The following TRRAP variants were observed in gnomAD, a reference collection of about 807,000 sequenced individuals.
TRRAP encodes transformation/transcription domain associated protein.
In TRRAP, 41 loss-of-function variants were observed where a neutral mutation model predicts 438.8. The ratio of observed to expected loss-of-function variants is 0.09; its 90% confidence interval spans 0.07 to 0.12. The LOEUF (loss-of-function observed/expected upper bound fraction) is 0.12, where lower values mean the gene tolerates loss of function less well. Among genes scored for constraint, TRRAP ranks in the 10% least tolerant of loss-of-function variants. The pLI is 1.00. For missense variants in TRRAP, 3,122 were observed against 5,055.1 expected (o/e 0.62, Z 11.60); for synonymous variants, 1,994 against 1,962.9 (o/e 1.02, Z -0.42).
chr7:98,989,074 C>A, intron 63 of TRRAP, 108 bp downstream of exon 63: 1 of 1,120,488 alleles, frequency 8.9e-7, no homozygotes, highest in Non-Finnish European at 1.3e-6. Flanking sequence ...GGCATGATTT[C>A]ATGCCTTAAC....
In TRRAP at chr7:98,978,264, G is replaced by T. The variant is rs746996313; in HGVS notation, c.8439G>T (p.Arg2813Ser). Reference sequence around the variant, plus strand: ...ATAAAGCCAAAAAAGAACATGAGAGGAGTAACGCCTCCCCTGCTATTTTCC... The same window carrying T: ...ATAAAGCCAAAAAAGAACATGAGAGTAGTAACGCCTCCCCTGCTATTTTCC... ...AMDKAKKEHE[R>S]SNASPAIFPE... The change falls in exon 57 of 73, where the codon AGG becomes AGT. Residue 2813 changes from arginine (R) to serine (S), a missense_variant. Physicochemically the swap from Arg to Ser is moderately radical, Grantham distance 110. This residue lies in a region of TRRAP where 992 missense variants were observed against 1,281.2 expected (regional missense o/e 0.77). Transcript: ENST00000456197. 1.2e-6 allele frequency: 2 copies of T among 1,614,032 alleles called. No individual in the cohort carries two copies. The highest frequency in any genetic ancestry group is 1.7e-5 in the Admixed American group (1 of 59,986).
Position 98,976,311 on chromosome 7 carries a change from T to C in TRRAP, c.7959+43T>C. On this transcript the variant is annotated intron_variant, in intron 54 of 72. Coordinates refer to ENST00000456197, the MANE Select transcript of TRRAP (RefSeq NM_001375524.1). The surrounding 1 kb of genome is among the most constrained non-coding windows in gnomAD (Gnocchi z 4.6). Reference sequence around the variant, plus strand: ...ATCCTGTTTTGGAAAATTGTAGTTTTAGCTTTTGGTAAGTATTCATAAAAG... The same window carrying C: ...ATCCTGTTTTGGAAAATTGTAGTTTCAGCTTTTGGTAAGTATTCATAAAAG... 6.2e-7 allele frequency: 1 copy of C among 1,609,048 alleles called. No homozygotes were observed. The highest frequency in any genetic ancestry group is 8.5e-7 in the Non-Finnish European group (1 of 1,177,586).
intron 43 of TRRAP, among the ~76,000 whole-genome samples, chr7:98,957,698 C>T (rs956382989): frequency 2.0e-5 from 3 of 152,274 alleles, no homozygotes; most frequent in East Asian, 1.9e-4. Flanking sequence ...TCTCATGGCC[C>T]GCTTCGTCTC....
rs754770910 is a variant in TRRAP at position 98,964,654 on chromosome 7, C to A, written c.6855C>A (p.Ala2285=). Residue 2285 remains alanine, a synonymous_variant, in exon 48 of 73, where the codon GCC becomes GCA. Coordinates refer to ENST00000456197, the MANE Select transcript of TRRAP (RefSeq NM_001375524.1). ...LFGTLMILKS[A]CSNNPSYIDR... is the part of the protein sequence containing the mutation. Reference sequence around the variant, plus strand: ...GGACCCTTATGATCCTCAAGTCTGCCTGCAGCAACAACCCCAGCTACATAG... The same window carrying A: ...GGACCCTTATGATCCTCAAGTCTGCATGCAGCAACAACCCCAGCTACATAG... The A allele has an allele frequency of 6.2e-6, 10 of 1,613,788 alleles. No homozygotes were observed. The highest frequency in any genetic ancestry group is 7.6e-6 in the Non-Finnish European group (9 of 1,179,936).
Position 98,964,791 on chromosome 7 carries a change from C to G in TRRAP, c.6976+16C>G, listed in dbSNP as rs1235504009. 1 of 1,606,640 alleles carries G rather than the reference C, an allele frequency of 6.2e-7. No homozygotes were observed. The highest frequency in any genetic ancestry group is 8.5e-7 in the Non-Finnish European group (1 of 1,176,164). ...GCCACCTCAGGTGATGTGCTGGCCA[C>G]CGGGGGCCTTTCCTCAGACTCTGTT... On this transcript the variant is annotated intron_variant, in intron 48 of 72. Coordinates refer to ENST00000456197, the MANE Select transcript of TRRAP (RefSeq NM_001375524.1).
chr7:98,961,535 T>C lies in TRRAP; in HGVS notation c.6703+61T>C, dbSNP rs61253068. 774 of 1,578,676 alleles carry C rather than the reference T, an allele frequency of 4.9e-4. 6 individuals are homozygous for C. In the African/African-American group the frequency reaches 9.6e-3, roughly 20 times the overall value. ...AGTGGACGGTGGGCGCGGAGCTTGC[T>C]ATGAGAGCGCTTGTCCTCCAGTTAT... On this transcript the variant is annotated intron_variant, in intron 46 of 72. Coordinates refer to ENST00000456197, the MANE Select transcript of TRRAP (RefSeq NM_001375524.1).
Position 98,937,283 on chromosome 7 carries a change from T to TGTGTGTGCATGC in TRRAP, c.4233+14_4233+15insATGCGTGTGTGC. 2 of 1,609,672 alleles carry TGTGTGTGCATGC rather than the reference T, an allele frequency of 1.2e-6. No homozygotes were observed. Among genetic ancestry groups the TGTGTGTGCATGC allele is most frequent in the Non-Finnish European group, 1.7e-6 (2 of 1,178,116 alleles). On this transcript the variant is annotated splice_region_variant and intron_variant, in intron 29 of 72. Coordinates refer to ENST00000456197, the MANE Select transcript of TRRAP (RefSeq NM_001375524.1). ...GAGAAGCCTGTATGAGAAAGGTGAGTGTGTGTGCGTGCGTGTATGCGCACG... is the reference window on the plus strand; with the variant it reads ...GAGAAGCCTGTATGAGAAAGGTGAGTGTGTGTGCATGCGTGTGTGCGTGCGTGTATGCGCACG...
intron 63 of TRRAP, 28 bp from the exon 64 acceptor site, chr7:98,990,427 T>C: frequency 6.2e-7 from 1 of 1,604,988 alleles, no homozygotes; most frequent in Non-Finnish European, 8.5e-7. Context: ...ATTGTCATTC[T>C]ACTCTAGAAT....
At chr7:98,916,553 G>C (rs1789527999) in intron 19 of TRRAP, among the ~76,000 whole-genome samples, 1 of 152,156 alleles carries the variant, frequency 6.6e-6, no homozygotes, top group South Asian at 2.1e-4. Context: ...GGCTACCCAG[G>C]AGGCAGCAGG....
At chr7:98,893,752 A>C (rs930568562) in intron 5 of TRRAP, 46 bp from the exon 6 acceptor site, 2 of 1,556,942 alleles carry the variant, frequency 1.3e-6, no homozygotes, top group African/African-American at 1.4e-5. Context: ...TTAGCCTTTA[A>C]AGTGAGTCTT....
In TRRAP at chr7:98,892,165, G is replaced by T. The variant is rs1030739061; in HGVS notation, c.262-259G>T. Among the ~76,000 whole-genome samples, 203 of 152,204 alleles carry T rather than the reference G, an allele frequency of 1.3e-3. 2 individuals are homozygous for T. The highest frequency in any genetic ancestry group is 2.8e-4 in the Non-Finnish European group (19 of 68,036). On this transcript the variant is annotated intron_variant, in intron 4 of 72. Transcript: ENST00000456197. ...TGTCCGTTGGACTTACTGATAAGCC[G>T]TGGAAGGGGAGAAATTGGCTTAGTC...
At chr7:99,004,538 A>G (rs2116858400) in intron 68 of TRRAP, 123 bp downstream of exon 68, 2 of 839,052 alleles carry the variant, frequency 2.4e-6, no homozygotes, top group South Asian at 1.7e-5. Context: ...ATGGGAGAAC[A>G]TAAGATGATT....
chr7:98,926,335 T>C (rs1382725656), intron 22 of TRRAP, among the ~76,000 whole-genome samples: 2 of 152,020 alleles, frequency 1.3e-5, no homozygotes, highest in South Asian at 2.1e-4. Flanking sequence ...AGACAAACTA[T>C]AGTGAAACAA....
chr7:98,996,524 G>GT (rs1793668638), intron 67 of TRRAP, among the ~76,000 whole-genome samples: 1 of 152,230 alleles, frequency 6.6e-6, no homozygotes. Flanking sequence ...GTCTGGTACA[G>GT]TTTCCCAGAG....
Position 98,970,123 on chromosome 7 carries a change from C to T in TRRAP, c.7524C>T (p.Ala2508=), listed in dbSNP as rs201505951. The change falls in exon 52 of 73, where the codon GCC becomes GCT. Residue 2508 remains alanine (A), a synonymous_variant. Transcript: ENST00000456197. Reference sequence around the variant, plus strand: ...CGCACCCCTTGCAGCTGCTTCTGGCCGTGTGTGAGAAGAGCACCCCCATTG... The same window carrying T: ...CGCACCCCTTGCAGCTGCTTCTGGCTGTGTGTGAGAAGAGCACCCCCATTG... ...WIKQCIELLL[A]VCEKSTPIGT... 3.7e-5 allele frequency: 59 copies of T among 1,613,748 alleles called. No homozygotes were observed. Among genetic ancestry groups the T allele is most frequent in the African/African-American group, 3.2e-4 (24 of 74,994 alleles).
At chr7:98,996,514 G>C (rs982477005) in intron 67 of TRRAP, among the ~76,000 whole-genome samples, 1 of 152,212 alleles carries the variant, frequency 6.6e-6, no homozygotes, top group African/African-American at 2.4e-5. Flanking sequence ...AACGAGATTT[G>C]TCTGGTACAG....
chr7:98,931,301 A>T, intron 25 of TRRAP, 104 bp from the exon 26 acceptor site: 1 of 1,513,234 alleles, frequency 6.6e-7, no homozygotes, highest in Non-Finnish European at 8.9e-7. Context: ...CGAGAAGGGC[A>T]TGGACCCCAG....
chr7:98,991,324 G>A (rs1290530310), intron 64 of TRRAP, among the ~76,000 whole-genome samples: 1 of 152,210 alleles, frequency 6.6e-6, no homozygotes, highest in Non-Finnish European at 1.5e-5. Flanking sequence ...AGGTGTTCAG[G>A]AAGGAGCTGG....
In TRRAP at chr7:98,948,727, G is replaced by A. The variant is rs375897932; in HGVS notation, c.4788+42G>A. 2.4e-4 allele frequency: 388 copies of A among 1,613,508 alleles called. No homozygotes were observed. The Middle Eastern group carries it at 3.8e-3, about 16-fold the overall frequency. Reference sequence around the variant, plus strand: ...GCTGGAGTCAGGGGTCCCTTCAAATGCTTGTGAGCTGTCGTGCTCTGAAAT... The same window carrying A: ...GCTGGAGTCAGGGGTCCCTTCAAATACTTGTGAGCTGTCGTGCTCTGAAAT... On this transcript the variant is annotated intron_variant, in intron 35 of 72. Transcript: ENST00000456197. This position sits in a 1 kb window ranked among gnomAD's most constrained non-coding sequence, Gnocchi z 4.9.
Sources: gnomAD v4.1 joint callset for allele counts (sites outside exome capture counted in the v4.1 genomes callset) on GRCh38, gnomAD v4.1.1 for gene constraint, gnomAD v4.1.1 regional missense constraint, Gnocchi (gnomAD v3.1) non-coding constraint, MANE v1.5 for transcripts, NCBI Gene and HGNC (gene_info 2026-07-23, HGNC 2026-07-21) for gene names.